ROBO1: variants seen among roughly 807,000 people sequenced by gnomAD.
ROBO1 encodes the protein roundabout guidance receptor 1, also known as roundabout homolog 1.
In ROBO1, 149 loss-of-function variants were observed where a neutral mutation model predicts 195.9. The observed-to-expected ratio is 0.76, with a 90% CI of 0.67 to 0.87. ROBO1 has a LOEUF of 0.87. ROBO1 is among the 40% of genes least tolerant of loss of function. ROBO1 has a pLI of 0.00. For synonymous variants in ROBO1, 816 were observed against 733.2 expected (o/e 1.11, Z -1.82); for missense variants, 1,933 against 2,068.3 (o/e 0.93, Z 1.27).
Position 79,232,068 on chromosome 3 carries a change from G to C in ROBO1, c.89-106529C>G, listed in dbSNP as rs1297341432. On this transcript the variant is annotated intron_variant, in intron 2 of 30. Coordinates refer to ENST00000464233, the MANE Select transcript of ROBO1 (RefSeq NM_002941.4). ...GCCTATTGGAGGGTAGAGAATGAGA[G>C]GGGCAAGAGGATCAGGGAAAATAAC... 5.3e-5 allele frequency among the ~76,000 whole-genome samples: 8 copies of C among 151,948 alleles called. No individual in the cohort carries two copies. The East Asian group carries it at 1.5e-3, about 29-fold the overall frequency.
chr3:78,770,871 C>A (rs549002727), intron 4 of ROBO1, among the ~76,000 whole-genome samples: 9 of 152,146 alleles, frequency 5.9e-5, no homozygotes, highest in East Asian at 1.9e-4. Flanking sequence ...TCAAGACCAA[C>A]CTGGGCAACA....
At chr3:78,729,292 TAAAGG>T (rs140445589) in intron 5 of ROBO1, among the ~76,000 whole-genome samples, 8,061 of 152,252 alleles carry the variant, frequency 0.053, 616 homozygotes, top group African/African-American at 0.18. Context: ...CAGACATAGT[TAAAGG>T]AAAGGATGAT....
chr3:79,516,816 C>A (rs780768508), intron 2 of ROBO1, among the ~76,000 whole-genome samples: 8 of 152,072 alleles, frequency 5.3e-5, no homozygotes, highest in Non-Finnish European at 1.2e-4. Flanking sequence ...TTGAATTTAT[C>A]TACAGGATAG....
intron 2 of ROBO1, among the ~76,000 whole-genome samples, chr3:79,405,157 C>T (rs1416696347): frequency 1.3e-5 from 2 of 152,030 alleles, no homozygotes; most frequent in Non-Finnish European, 2.9e-5. Context: ...AACACTATAG[C>T]ATTCTTCATA....
chr3:78,989,173 G>A (rs1478938755), intron 3 of ROBO1, among the ~76,000 whole-genome samples: 2 of 152,058 alleles, frequency 1.3e-5, no homozygotes, highest in Non-Finnish European at 2.9e-5. Flanking sequence ...CTAGAAGGAG[G>A]ATATTGAAGG....
intron 2 of ROBO1, among the ~76,000 whole-genome samples, chr3:79,232,247 TAAA>T (rs71649197): frequency 7.5e-6 from 1 of 133,688 alleles, no homozygotes; most frequent in African/African-American, 2.8e-5. Flanking sequence ...CTCCTTGATT[TAAA>T]AAAAAAAAAA....
rs552190710 is a variant in ROBO1 at position 79,240,617 on chromosome 3, C to A, written c.89-115078G>T. ...CCTCTGAAAACATTTGTATTGCTAC[C>A]ACTTACACAGATATAACATTATATT... On this transcript the variant is annotated intron_variant, in intron 2 of 30. Transcript: ENST00000464233. 9.2e-5 allele frequency among the ~76,000 whole-genome samples: 14 copies of A among 152,080 alleles called. No individual in the cohort carries two copies. The South Asian group carries it at 2.7e-3, about 29-fold the overall frequency.
At chr3:79,568,694 G>C (rs1458989462) in intron 2 of ROBO1, among the ~76,000 whole-genome samples, 4 of 151,368 alleles carry the variant, frequency 2.6e-5, no homozygotes, top group Non-Finnish European at 4.4e-5. Flanking sequence ...TAGAATTCAA[G>C]GGGAATCATT....
At chr3:78,767,564 C>A (rs1164369816) in intron 4 of ROBO1, among the ~76,000 whole-genome samples, 1 of 152,126 alleles carries the variant, frequency 6.6e-6, no homozygotes, top group African/African-American at 2.4e-5. Context: ...CTGTGCCCAG[C>A]CTGTTGGTAA....
chr3:78,717,987 A>G, intron 5 of ROBO1, 104 bp from the exon 6 acceptor site: 1 of 1,109,106 alleles, frequency 9.0e-7, no homozygotes, highest in Non-Finnish European at 1.3e-6. Context: ...ATATAAATCA[A>G]AGCATAATTA....
chr3:79,068,582 A>C (rs952042342), intron 3 of ROBO1, among the ~76,000 whole-genome samples: 1 of 151,778 alleles, frequency 6.6e-6, no homozygotes, highest in African/African-American at 2.4e-5. Flanking sequence ...GTGACCTTAA[A>C]TCTATTCCCC....
At chr3:79,430,954 T>C (rs1385958885) in intron 2 of ROBO1, among the ~76,000 whole-genome samples, 3 of 152,094 alleles carry the variant, frequency 2.0e-5, no homozygotes, top group Admixed American at 6.6e-5. Flanking sequence ...GAAGTATAAG[T>C]ATTTGTAGTA....
chr3:78,778,788 G>C (rs1167295099), intron 4 of ROBO1, among the ~76,000 whole-genome samples: 1 of 152,074 alleles, frequency 6.6e-6, no homozygotes, highest in African/African-American at 2.4e-5. Context: ...AATCAAAAAA[G>C]AGCCCACATA....
At chr3:79,627,774 C>A (rs562191714) in intron 1 of ROBO1, among the ~76,000 whole-genome samples, 1 of 151,976 alleles carries the variant, frequency 6.6e-6, no homozygotes, top group Non-Finnish European at 1.5e-5. Context: ...TAATATCCAG[C>A]ATTTACAAGG....
chr3:79,078,691 C>T (rs1025878963), intron 3 of ROBO1, among the ~76,000 whole-genome samples: 1 of 151,734 alleles, frequency 6.6e-6, no homozygotes, highest in African/African-American at 2.4e-5. Context: ...ACAGCACACA[C>T]TTTTAGAACA....
chr3:78,856,473 G>A (rs897603059), intron 4 of ROBO1, among the ~76,000 whole-genome samples: 2 of 151,614 alleles, frequency 1.3e-5, no homozygotes, highest in Non-Finnish European at 2.9e-5. Context: ...TAAATTTGAA[G>A]GTCATTGAAT....
intron 2 of ROBO1, among the ~76,000 whole-genome samples, chr3:79,577,465 A>T (rs188937684): frequency 6.6e-6 from 1 of 152,322 alleles, no homozygotes; most frequent in African/African-American, 2.4e-5. Flanking sequence ...GACTTCATTG[A>T]AATGAAAAAA....
chr3:79,698,633 A>G (rs577300375), intron 1 of ROBO1, among the ~76,000 whole-genome samples: 3 of 151,590 alleles, frequency 2.0e-5, no homozygotes, highest in Non-Finnish European at 4.4e-5. Context: ...TTTAGTTAAC[A>G]AAGAGGCAGA....
chr3:78,647,489 G>A, intron 20 of ROBO1, 140 bp downstream of exon 20: 1 of 806,332 alleles, frequency 1.2e-6, no homozygotes, highest in East Asian at 2.5e-5. Flanking sequence ...CATGCCTGGT[G>A]TGAGTAAATC....
Sources: gnomAD v4.1 joint callset for allele counts (sites outside exome capture counted in the v4.1 genomes callset) on GRCh38, gnomAD v4.1.1 for gene constraint, MANE v1.5 for transcripts, NCBI Gene and HGNC (gene_info 2026-07-23, HGNC 2026-07-21) for gene names.